The following ABCA4 variants were observed in gnomAD, a reference collection of about 807,000 sequenced individuals.
ABCA4 encodes ATP binding cassette subfamily A member 4.
Under a neutral mutation model 263.7 loss-of-function variants are expected in ABCA4, and 196 were observed. That is an observed-to-expected ratio of 0.74 (90% CI 0.66 to 0.84). The LOEUF is 0.84. Among genes scored for constraint, ABCA4 ranks in the 40% least tolerant of loss-of-function variants. The pLI, the probability that ABCA4 is intolerant of heterozygous loss-of-function variation, is 0.00. For missense variants in ABCA4, 2,792 were observed against 2,855.1 expected (o/e 0.98, Z 0.50); for synonymous variants, 1,133 against 1,094.2 (o/e 1.04, Z -0.70).
At chr1:94,047,150 G>A (rs1484717497) in intron 18 of ABCA4, 57 bp from the exon 19 acceptor site, 3 of 1,593,356 alleles carry the variant, frequency 1.9e-6, no homozygotes, top group Non-Finnish European at 2.6e-6. Context: ...CATGGCCCCA[G>A]GGCTCTGTCT....
intron 8 of ABCA4, among the ~76,000 whole-genome samples, chr1:94,079,690 G>A (rs1055075629): frequency 1.3e-5 from 2 of 152,154 alleles, no homozygotes; most frequent in Non-Finnish European, 2.9e-5. Context: ...GATGCGACTT[G>A]CCCTGTGGTT....
intron 30 of ABCA4, among the ~76,000 whole-genome samples, chr1:94,026,799 C>G (rs1660050342): frequency 6.6e-6 from 1 of 152,160 alleles, no homozygotes; most frequent in South Asian, 2.1e-4. Context: ...GCCCCATTTC[C>G]CAGATGAGAA....
chr1:93,995,595 T>C lies in ABCA4; in HGVS notation c.6816+514A>G, dbSNP rs115105609. Among the ~76,000 whole-genome samples the C allele has an allele frequency of 8.1e-3, 1,227 of 152,324 alleles. 26 individuals carry two copies. Among genetic ancestry groups the C allele is most frequent in the African/African-American group, 0.028 (1,151 of 41,572 alleles). ...CTTCTTTCTCCATCTTCTTGTAATT[T>C]TTATAAAGAACAAAGAGCCCTCTTC... On this transcript the variant is annotated intron_variant, in intron 49 of 49. Transcript: ENST00000370225.
chr1:94,056,943 A>C (rs1661000954), intron 14 of ABCA4, 121 bp from the exon 15 acceptor site: 1 of 822,392 alleles, frequency 1.2e-6, no homozygotes, highest in Non-Finnish European at 2.0e-6. Context: ...CGCACACTCC[A>C]TGTGCTGAGT....
chr1:94,054,421 T>G (rs531366935), intron 16 of ABCA4, among the ~76,000 whole-genome samples: 4 of 152,176 alleles, frequency 2.6e-5, no homozygotes, highest in African/African-American at 7.2e-5. Context: ...TACAGAGCCA[T>G]AGTTATGTAG....
chr1:94,118,218 G>A (rs1174960194), intron 1 of ABCA4, among the ~76,000 whole-genome samples: 1 of 152,144 alleles, frequency 6.6e-6, no homozygotes, highest in East Asian at 1.9e-4. Flanking sequence ...GTTCAGGGAG[G>A]TGATGCACTT....
chr1:94,060,385 G>T, intron 14 of ABCA4, 152 bp downstream of exon 14: 1 of 740,394 alleles, frequency 1.4e-6, no homozygotes. Context: ...GTCTCTTTGA[G>T]TGTCTCCCAC....
intron 11 of ABCA4, among the ~76,000 whole-genome samples, chr1:94,068,435 T>C (rs1468338016): frequency 3.3e-5 from 5 of 152,240 alleles, no homozygotes; most frequent in African/African-American, 1.2e-4. Context: ...CCACCTGCCA[T>C]GCAGCAAGTG....
In ABCA4 at chr1:94,116,980, T is replaced by G. The variant is rs938533565; in HGVS notation, c.67-3914A>C. ...CCTTTCTTTCTTTCTCTTTCTTTCTTTCTTTCTTTCTTTCTTTCTTTCTTT... is the reference window on the plus strand; with the variant it reads ...CCTTTCTTTCTTTCTCTTTCTTTCTGTCTTTCTTTCTTTCTTTCTTTCTTT... On this transcript the variant is annotated intron_variant, in intron 1 of 49. Transcript: ENST00000370225. Among the ~76,000 whole-genome samples, 192 of 111,436 alleles carry G rather than the reference T, an allele frequency of 1.7e-3. 2 individuals are homozygous for G. Among genetic ancestry groups the G allele is most frequent in the East Asian group, 7.1e-3 (27 of 3,802 alleles). The allele number at this position is 111,436 out of a possible 152,430, so 73.1% of individuals were successfully genotyped here. A position where few individuals can be genotyped will look rare whatever the true frequency, so the allele number is the denominator to read the frequency against.
chr1:94,102,691 A>G (rs928399447), intron 5 of ABCA4, among the ~76,000 whole-genome samples: 1 of 152,090 alleles, frequency 6.6e-6, no homozygotes, highest in Admixed American at 6.5e-5. Flanking sequence ...CTGTCCCTAA[A>G]TATTTGAGTA....
chr1:94,105,486 G>A (rs544764256), intron 4 of ABCA4, among the ~76,000 whole-genome samples: 1 of 152,270 alleles, frequency 6.6e-6, no homozygotes, highest in African/African-American at 2.4e-5. Context: ...TGAAGAGGAG[G>A]CCGATACCAG....
chr1:94,042,961 A>G, intron 21 of ABCA4, 63 bp from the exon 22 acceptor site: 10 of 1,608,000 alleles, frequency 6.2e-6, no homozygotes, highest in South Asian at 5.5e-5. Context: ...AGAAAGGCCC[A>G]GGGCAAGTGG....
rs1251302751 is a variant in ABCA4 at position 94,044,840 on chromosome 1, G to C, written c.2919-96C>G. 1.9e-6 allele frequency: 3 copies of C among 1,587,872 alleles called. No homozygotes were observed. In the African/African-American group the frequency reaches 4.0e-5, roughly 21 times the overall value. On this transcript the variant is annotated intron_variant, in intron 19 of 49. Transcript: ENST00000370225. The stretch of plus-strand genomic sequence containing the variant: ...ACCAGGTTCAGTGAGAACTCTCACA[G>C]ATTCCTGCCTGGGGCTGTCAGTCAA...
intron 19 of ABCA4, chr1:94,045,846 G>A (rs1395579415): frequency 2.2e-6 from 1 of 456,286 alleles, no homozygotes; most frequent in Non-Finnish European, 4.4e-6. Context: ...TGTGTCACGT[G>A]GGTTCGCTGC....
At chr1:94,019,205 G>A (rs989588403) in intron 36 of ABCA4, among the ~76,000 whole-genome samples, 4 of 151,890 alleles carry the variant, frequency 2.6e-5, no homozygotes, top group Non-Finnish European at 5.9e-5. Flanking sequence ...GGCAGGATTT[G>A]AGAAGGGGAC....
At position 94,079,257 on chromosome 1, in the gene ABCA4, A is replaced by T. The variant is rs928065322; in HGVS notation, c.1239+65T>A. The T allele has an allele frequency of 4.3e-4, 691 of 1,597,906 alleles. 2 individuals are homozygous for T. The African/African-American group carries it at 8.4e-3, about 19-fold the overall frequency. ...AGGAAGGCACATCTCTCTCACACAC[A>T]CACACACACACACACACTTCTGGGA... On this transcript the variant is annotated intron_variant, in intron 9 of 49. Transcript: ENST00000370225.
intron 14 of ABCA4, among the ~76,000 whole-genome samples, chr1:94,057,487 CA>C (rs1661013978): frequency 6.6e-6 from 1 of 152,150 alleles, no homozygotes; most frequent in Non-Finnish European, 1.5e-5. Flanking sequence ...GAGGGAACTC[CA>C]GAGGAGCTTC....
chr1:94,014,464 T>C (rs1044999669), intron 38 of ABCA4, 79 bp downstream of exon 38: 1 of 1,530,964 alleles, frequency 6.5e-7, no homozygotes, highest in African/African-American at 1.4e-5. Flanking sequence ...TGTACGATGC[T>C]TGCCCCTGGC....
chr1:94,091,350 G>T (rs993923792), intron 6 of ABCA4, among the ~76,000 whole-genome samples: 1 of 152,134 alleles, frequency 6.6e-6, no homozygotes, highest in Admixed American at 6.6e-5. Flanking sequence ...TCCCGAGGGA[G>T]CCCTCCATAT....
Sources: allele counts gnomAD v4.1 joint callset (sites outside exome capture counted in the v4.1 genomes callset), GRCh38; gene constraint gnomAD v4.1.1; transcripts MANE v1.5; gene names NCBI Gene and HGNC (gene_info 2026-07-23, HGNC 2026-07-21).